Variants in GBE1 observed in about 807,000 individuals in gnomAD.
GBE1 encodes 1,4-alpha-glucan branching enzyme 1, also known as 1,4-alpha-glucan-branching enzyme.
A neutral mutation model predicts 88.8 loss-of-function variants in GBE1; 70 were observed. The observed-to-expected ratio is 0.79, with a 90% CI of 0.65 to 0.96. GBE1 has a LOEUF of 0.96. Among genes scored for constraint, GBE1 ranks in the 40% least tolerant of loss-of-function variants. GBE1 has a pLI of 0.00. For synonymous variants in GBE1, 284 were observed against 300.1 expected, an observed-to-expected ratio of 0.95 and a Z score of 0.56; for missense variants, 872 against 871.0, an observed-to-expected ratio of 1.00 and a Z score of -0.01.
intron 7 of GBE1, chr3:81,612,170 C>T (rs533635839): frequency 2.6e-3 from 803 of 304,052 alleles, no homozygotes; most frequent in Non-Finnish European, 4.0e-3. Flanking sequence ...ATCAAGATTA[C>T]GTATCTACTA....
At chr3:81,615,927 C>T (rs1267508391) in intron 7 of GBE1, among the ~76,000 whole-genome samples, 1 of 152,136 alleles carries the variant, frequency 6.6e-6, no homozygotes, top group Non-Finnish European at 1.5e-5. Context: ...TCCTCACCAG[C>T]ATTTGGTGTA....
In GBE1 at chr3:81,584,404, T is replaced by C. The variant is rs190787051; in HGVS notation, c.1335+1688A>G. 1.2e-4 allele frequency among the ~76,000 whole-genome samples: 19 copies of C among 152,154 alleles called. No individual in the cohort carries two copies. The East Asian group carries it at 3.5e-3, about 28-fold the overall frequency. On this transcript the variant is annotated intron_variant, in intron 10 of 15. Coordinates refer to ENST00000429644, the MANE Select transcript of GBE1 (RefSeq NM_000158.4). ...GTGTTTTATTGACATATAGGGAGAATGGGAGCCACTTATTGAATTGTTTTT... is the reference window on the plus strand; with the variant it reads ...GTGTTTTATTGACATATAGGGAGAACGGGAGCCACTTATTGAATTGTTTTT...
At chr3:81,577,129 A>G (rs1703659517) in intron 12 of GBE1, among the ~76,000 whole-genome samples, 1 of 151,308 alleles carries the variant, frequency 6.6e-6, no homozygotes. Flanking sequence ...TTTGGTAGAG[A>G]TGGGGCTTTT....
chr3:81,513,752 G>A (rs1282283581), intron 14 of GBE1, among the ~76,000 whole-genome samples: 10 of 151,600 alleles, frequency 6.6e-5, no homozygotes, highest in Admixed American at 3.3e-4. Context: ...AAACGTGGGC[G>A]ACACTGTTGT....
At chr3:81,604,550 T>C (rs1576166681) in intron 7 of GBE1, among the ~76,000 whole-genome samples, 1 of 152,004 alleles carries the variant, frequency 6.6e-6, no homozygotes, top group Non-Finnish European at 1.5e-5. Flanking sequence ...GTCTCCCAAA[T>C]TGCTGGGATT....
chr3:81,497,785 A>T (rs1224854884), intron 15 of GBE1, among the ~76,000 whole-genome samples: 1 of 152,144 alleles, frequency 6.6e-6, no homozygotes, highest in East Asian at 1.9e-4. Flanking sequence ...CCCCTTTGTG[A>T]GCTGAATCAT....
At chr3:81,737,311 TTATA>T (rs1164799066) in intron 1 of GBE1, among the ~76,000 whole-genome samples, 2 of 110,920 alleles carry the variant, frequency 1.8e-5, no homozygotes, top group African/African-American at 8.3e-5. Flanking sequence ...AAATATATAT[TTATA>T]TATATTTATA....
Position 81,558,785 on chromosome 3 carries a change from C to T in GBE1, c.1618+19140G>A, listed in dbSNP as rs112226364. ...CATATAGTAATATTTCTATATTAGA[C>T]CTTTTTATATTTAAACATGTGACCT... On this transcript the variant is annotated intron_variant, in intron 12 of 15. Transcript: ENST00000429644. 2.0e-5 allele frequency among the ~76,000 whole-genome samples: 3 copies of T among 152,054 alleles called. 1 individual carries two copies. Among genetic ancestry groups the T allele is most frequent in the African/African-American group, 4.8e-5 (2 of 41,518 alleles).
intron 14 of GBE1, among the ~76,000 whole-genome samples, chr3:81,521,478 A>G (rs1702873825): frequency 6.6e-6 from 1 of 151,600 alleles, no homozygotes. Context: ...AATTTTTAAT[A>G]TTTTGTATAT....
At chr3:81,682,293 T>C (rs972722069) in intron 2 of GBE1, among the ~76,000 whole-genome samples, 2 of 151,804 alleles carry the variant, frequency 1.3e-5, no homozygotes, top group African/African-American at 4.8e-5. Flanking sequence ...CAAGACCCCA[T>C]CTCTACAAAA....
At chr3:81,744,726 C>T (rs1318705322) in intron 1 of GBE1, among the ~76,000 whole-genome samples, 2 of 152,152 alleles carry the variant, frequency 1.3e-5, no homozygotes, top group South Asian at 2.1e-4. Flanking sequence ...TACACAAGCA[C>T]ATTTTCCAAC....
At chr3:81,524,997 G>T (rs1702924835) in intron 14 of GBE1, among the ~76,000 whole-genome samples, 1 of 151,702 alleles carries the variant, frequency 6.6e-6, no homozygotes, top group South Asian at 2.1e-4. Context: ...ACCTAGCCTT[G>T]GATTGGTATG....
intron 1 of GBE1, among the ~76,000 whole-genome samples, chr3:81,744,475 G>A (rs561584718): frequency 6.6e-6 from 1 of 152,178 alleles, no homozygotes; most frequent in African/African-American, 2.4e-5. Flanking sequence ...GGAGGAGCAT[G>A]AGCATTCAGT....
At chr3:81,523,913 G>C (rs1338000727) in intron 14 of GBE1, among the ~76,000 whole-genome samples, 1 of 151,778 alleles carries the variant, frequency 6.6e-6, no homozygotes. Flanking sequence ...TGGACACTTA[G>C]GCTGATTCCA....
chr3:81,626,521 G>A (rs544021983), intron 7 of GBE1, among the ~76,000 whole-genome samples: 4 of 152,160 alleles, frequency 2.6e-5, no homozygotes, highest in Admixed American at 6.5e-5. Flanking sequence ...TTAGACCAGC[G>A]AAGATAAGGA....
intron 14 of GBE1, among the ~76,000 whole-genome samples, chr3:81,510,774 T>G (rs1478492228): frequency 1.3e-5 from 2 of 152,040 alleles, no homozygotes; most frequent in Non-Finnish European, 2.9e-5. Flanking sequence ...TAAACACACA[T>G]GCACGGGGAT....
intron 12 of GBE1, among the ~76,000 whole-genome samples, chr3:81,549,216 G>A (rs1467732773): frequency 1.3e-5 from 2 of 150,838 alleles, no homozygotes; most frequent in African/African-American, 2.4e-5. Context: ...TTTTAGTAGA[G>A]ATGGGGTTTC....
At chr3:81,643,034 A>G (rs927463104) in intron 6 of GBE1, 44 bp from the exon 7 acceptor site, 1 of 1,293,752 alleles carries the variant, frequency 7.7e-7, no homozygotes. Flanking sequence ...CATCACATTT[A>G]GAGGAAACAG....
intron 2 of GBE1, among the ~76,000 whole-genome samples, chr3:81,683,891 T>TA (rs902735724): frequency 3.3e-5 from 5 of 152,052 alleles, no homozygotes; most frequent in Non-Finnish European, 5.9e-5. Context: ...ATACTCCCTT[T>TA]AAAAAAATAA....
Sources: gnomAD v4.1 joint callset for allele counts (sites outside exome capture counted in the v4.1 genomes callset) on GRCh38, gnomAD v4.1.1 for gene constraint, MANE v1.5 for transcripts, NCBI Gene and HGNC (gene_info 2026-07-23, HGNC 2026-07-21) for gene names.